The following ADARB2 variants were observed in gnomAD, a reference collection of about 807,000 sequenced individuals.
The protein encoded by ADARB2 is adenosine deaminase RNA specific B2 (inactive).
A neutral mutation model predicts 62.2 loss-of-function variants in ADARB2; 25 were observed. The ratio of observed to expected loss-of-function variants is 0.40; its 90% CI spans 0.29 to 0.56. ADARB2 has a LOEUF of 0.56. Ranked by LOEUF, ADARB2 falls within the 20% of genes least tolerant of loss-of-function variation. The probability of loss-of-function intolerance (pLI) is 0.43; values close to 1 mark genes in which losing one functional copy is unlikely to be tolerated. For missense variants in ADARB2, 1,071 were observed against 1,077.4 expected (o/e 0.99, Z 0.08); for synonymous variants, 572 against 500.8 (o/e 1.14, Z -1.90).
At chr10:1,577,309 A>G (rs1286661773) in intron 1 of ADARB2, among the ~76,000 whole-genome samples, 6 of 106,816 alleles carry the variant, frequency 5.6e-5, no homozygotes, top group Middle Eastern at 5.1e-3. Context: ...GCTCAGGTGC[A>G]TCCTGGTGTA....
rs1235374647 is a variant in ADARB2 at position 1,581,675 on chromosome 10, C to T, written c.100+155376G>A. The stretch of plus-strand genomic sequence containing the variant: ...ATATACATACATGTGTGTGAACATA[C>T]ATCTGGATAGAGCTAGATATAGACA... On this transcript the variant is annotated intron_variant, in intron 1 of 9. Coordinates refer to ENST00000381312, the MANE Select transcript of ADARB2 (RefSeq NM_018702.4). Among the ~76,000 whole-genome samples the T allele has an allele frequency of 2.0e-5, 3 of 152,134 alleles. No homozygotes were observed. The East Asian group carries it at 5.8e-4, about 29-fold the overall frequency.
At chr10:1,577,268 C>A (rs1480229405) in intron 1 of ADARB2, among the ~76,000 whole-genome samples, 2 of 146,396 alleles carry the variant, frequency 1.4e-5, no homozygotes, top group Non-Finnish European at 3.0e-5. Flanking sequence ...GCAGTAATAC[C>A]CTCATGCACA....
At chr10:1,617,390 G>A (rs375246420) in intron 1 of ADARB2, among the ~76,000 whole-genome samples, 1 of 81,028 alleles carries the variant, frequency 1.2e-5, no homozygotes, top group Non-Finnish European at 2.5e-5. Context: ...TTGTGTGCCC[G>A]TCCAGACACA....
At position 1,492,713 on chromosome 10, in the gene ADARB2, G is replaced by A. The variant is rs111516319; in HGVS notation, c.101-113553C>T. ...AGGGATGCAAGTCAGGGAGTGTCCC[G>A]GGTGCTGGGGGACCCCGGCCTTCTG... On this transcript the variant is annotated intron_variant, in intron 1 of 9. Coordinates refer to ENST00000381312, the MANE Select transcript of ADARB2 (RefSeq NM_018702.4). Among the ~76,000 whole-genome samples the A allele has an allele frequency of 9.0e-3, 1,367 of 152,148 alleles. 11 individuals carry two copies. Among genetic ancestry groups the A allele is most frequent in the Middle Eastern group, 0.024 (7 of 294 alleles).
intron 3 of ADARB2, among the ~76,000 whole-genome samples, chr10:1,344,162 T>G (rs1177412896): frequency 6.6e-6 from 1 of 152,196 alleles, no homozygotes; most frequent in East Asian, 1.9e-4. Flanking sequence ...GGGTCCCATT[T>G]CTGTAAGATA....
chr10:1,708,128 G>A (rs1202163473), intron 1 of ADARB2, among the ~76,000 whole-genome samples: 3 of 152,174 alleles, frequency 2.0e-5, no homozygotes, highest in African/African-American at 4.8e-5. Flanking sequence ...TGCTCCGTGC[G>A]GGCTGCCTTC....
intron 1 of ADARB2, among the ~76,000 whole-genome samples, chr10:1,591,757 T>C (rs977198857): frequency 6.6e-6 from 1 of 152,194 alleles, no homozygotes; most frequent in Non-Finnish European, 1.5e-5. Flanking sequence ...TTGTCTGACA[T>C]GATTCCACTT....
intron 1 of ADARB2, among the ~76,000 whole-genome samples, chr10:1,478,948 G>A (rs1227200855): frequency 6.6e-6 from 1 of 152,206 alleles, no homozygotes; most frequent in Non-Finnish European, 1.5e-5. Flanking sequence ...AGGAGGAGGG[G>A]CCTGCAAACA....
intron 1 of ADARB2, among the ~76,000 whole-genome samples, chr10:1,381,109 C>G (rs1832478588): frequency 6.6e-6 from 1 of 152,136 alleles, no homozygotes; most frequent in Non-Finnish European, 1.5e-5. Context: ...AAACAATAGA[C>G]AATTTTTTCA....
chr10:1,579,132 C>T (rs938840564), intron 1 of ADARB2, among the ~76,000 whole-genome samples: 1 of 152,148 alleles, frequency 6.6e-6, no homozygotes, highest in East Asian at 1.9e-4. Flanking sequence ...CCTAGCACAC[C>T]GCTTTATATC....
intron 4 of ADARB2, among the ~76,000 whole-genome samples, chr10:1,258,943 A>G (rs1006269648): frequency 1.3e-5 from 2 of 152,226 alleles, no homozygotes; most frequent in African/African-American, 2.4e-5. Context: ...AATTATAACA[A>G]ACTGTCTCTG....
intron 1 of ADARB2, among the ~76,000 whole-genome samples, chr10:1,491,891 C>T (rs1012162367): frequency 7.9e-5 from 12 of 152,206 alleles, no homozygotes; most frequent in African/African-American, 2.4e-4. Flanking sequence ...GCTTGTCTAA[C>T]TGGATTGTTG....
At chr10:1,681,244 T>C (rs1386092470) in intron 1 of ADARB2, among the ~76,000 whole-genome samples, 1 of 152,214 alleles carries the variant, frequency 6.6e-6, no homozygotes, top group African/African-American at 2.4e-5. Flanking sequence ...GTAGTAGCAA[T>C]GAAATAATTT....
In ADARB2 at chr10:1,498,760, C is replaced by A. The variant is rs116558291; in HGVS notation, c.101-119600G>T. ...TATAAATTTCAGAAATGACCAAAAT[C>A]AAAAAATGTTGTTTAGAAATACATC... On this transcript the variant is annotated intron_variant, in intron 1 of 9. Transcript: ENST00000381312. 3.3e-5 allele frequency among the ~76,000 whole-genome samples: 5 copies of A among 152,230 alleles called. No homozygotes were observed. In the East Asian group the frequency reaches 7.7e-4, roughly 24 times the overall value.
At chr10:1,227,564 C>A (rs1028873362) in intron 6 of ADARB2, among the ~76,000 whole-genome samples, 1 of 152,190 alleles carries the variant, frequency 6.6e-6, no homozygotes, top group African/African-American at 2.4e-5. Flanking sequence ...CCTAGATCCT[C>A]ATTTCTAAAT....
At chr10:1,301,702 G>T (rs1791633193) in intron 3 of ADARB2, among the ~76,000 whole-genome samples, 1 of 152,184 alleles carries the variant, frequency 6.6e-6, no homozygotes, top group Admixed American at 6.5e-5. Context: ...TGGATTTCTT[G>T]TGGTTTATTT....
chr10:1,307,824 GC>G (rs1831644543), intron 3 of ADARB2, among the ~76,000 whole-genome samples: 2 of 119,402 alleles, frequency 1.7e-5, no homozygotes, highest in Non-Finnish European at 3.5e-5. Context: ...GTAAACTATC[GC>G]AAGAACAAAA....
intron 1 of ADARB2, among the ~76,000 whole-genome samples, chr10:1,624,970 ATAAAT>A (rs1409316941): frequency 6.6e-6 from 1 of 152,182 alleles, no homozygotes; most frequent in East Asian, 1.9e-4. Flanking sequence ...CTCAATAAAA[ATAAAT>A]TAAACATATA....
chr10:1,457,365 C>T (rs1831107281), intron 1 of ADARB2, among the ~76,000 whole-genome samples: 1 of 152,134 alleles, frequency 6.6e-6, no homozygotes, highest in South Asian at 2.1e-4. Flanking sequence ...ACAAGCCATC[C>T]TCACTTTAAG....
Sources: allele counts gnomAD v4.1 joint callset (sites outside exome capture counted in the v4.1 genomes callset), GRCh38; gene constraint gnomAD v4.1.1; transcripts MANE v1.5; gene names NCBI Gene and HGNC (gene_info 2026-07-23, HGNC 2026-07-21).